SAMD5: variants seen among roughly 807,000 people sequenced by gnomAD.
SAMD5 encodes sterile alpha motif domain containing 5.
In SAMD5, 13 loss-of-function variants were observed where a neutral mutation model predicts 11.3. That is an observed-to-expected ratio of 1.15 (90% CI 0.75 to 1.83). The LOEUF (loss-of-function observed/expected upper bound fraction) is 1.83. Ranked by LOEUF, SAMD5 falls within the 40% of genes most tolerant of loss-of-function variation. The probability of loss-of-function intolerance (pLI) is 0.00; values close to 1 mark genes in which losing one functional copy is unlikely to be tolerated. For synonymous variants in SAMD5, 129 were observed against 111.3 expected, an observed-to-expected ratio of 1.16 and a Z score of -1.00; for missense variants, 255 against 239.1, an observed-to-expected ratio of 1.07 and a Z score of -0.44.
At chr6:147,889,791 A>G in the SAMD5 span, among the ~76,000 whole-genome samples, 1 of 152,174 alleles carries the variant, frequency 6.6e-6, no homozygotes, top group African/African-American at 2.4e-5. Context: ...TGGGGTGAAC[A>G]TTCTTTCATG....
intron 1 of SAMD5, among the ~76,000 whole-genome samples, chr6:147,541,027 G>A (rs949565945): frequency 1.5e-4 from 21 of 137,558 alleles, no homozygotes; most frequent in African/African-American, 5.5e-4. Flanking sequence ...TCAGCGCACT[G>A]CAACCTCCGC....
chr6:147,670,736 G>A (rs1375458884), intron 1 of SAMD5, among the ~76,000 whole-genome samples: 1 of 152,170 alleles, frequency 6.6e-6, no homozygotes, highest in African/African-American at 2.4e-5. Context: ...CTTTGAATTA[G>A]GCTTTGAGTT....
chr6:147,803,169 G>GTT, the SAMD5 span, among the ~76,000 whole-genome samples: 1 of 147,038 alleles, frequency 6.8e-6, no homozygotes, highest in Admixed American at 7.0e-5. Flanking sequence ...GTGTGTGTGT[G>GTT]TGTGTGTGTG....
chr6:147,870,474 G>GTATATATATATATATATA, the SAMD5 span, among the ~76,000 whole-genome samples: 1 of 137,414 alleles, frequency 7.3e-6, no homozygotes, highest in Non-Finnish European at 1.6e-5. Flanking sequence ...GTGTGTGTGT[G>GTATATATATATATATATA]TGTGTGTGTA....
chr6:147,855,495 A>T, the SAMD5 span, among the ~76,000 whole-genome samples: 1 of 152,178 alleles, frequency 6.6e-6, no homozygotes, highest in Admixed American at 6.5e-5. Context: ...CCTTGCCAGT[A>T]AATTTTTTTC....
the SAMD5 span, among the ~76,000 whole-genome samples, chr6:147,923,516 T>G: frequency 2.0e-5 from 3 of 152,198 alleles, no homozygotes; most frequent in African/African-American, 7.2e-5. Context: ...AATTTAGCAC[T>G]TCACAATTTA....
chr6:147,942,702 C>T, the SAMD5 span, among the ~76,000 whole-genome samples: 1 of 152,106 alleles, frequency 6.6e-6, no homozygotes, highest in Non-Finnish European at 1.5e-5. Flanking sequence ...AGAGAATCCG[C>T]AATTAGACAG....
chr6:147,869,741 C>T, the SAMD5 span, among the ~76,000 whole-genome samples: 6 of 152,024 alleles, frequency 3.9e-5, no homozygotes, highest in African/African-American at 1.4e-4. Context: ...CTCTTTTTCC[C>T]AAGCTGGAGT....
the SAMD5 span, among the ~76,000 whole-genome samples, chr6:147,871,645 G>A: frequency 1.1e-4 from 16 of 152,262 alleles, no homozygotes; most frequent in South Asian, 2.5e-3. Flanking sequence ...CTTGGGTACC[G>A]GCAACATCTT....
chr6:147,555,251 A>G (rs1788836921), intron 1 of SAMD5, among the ~76,000 whole-genome samples: 1 of 152,200 alleles, frequency 6.6e-6, no homozygotes, highest in Non-Finnish European at 1.5e-5. Context: ...CTTGCAAACC[A>G]CTTGTGCTCT....
At chr6:147,903,387 A>G in the SAMD5 span, among the ~76,000 whole-genome samples, 1 of 152,130 alleles carries the variant, frequency 6.6e-6, no homozygotes, top group Non-Finnish European at 1.5e-5. Context: ...CACCCTGAAC[A>G]TCTTCTGATT....
chr6:147,547,413 G>A (rs1388770209), intron 1 of SAMD5, among the ~76,000 whole-genome samples: 1 of 152,124 alleles, frequency 6.6e-6, no homozygotes, highest in Non-Finnish European at 1.5e-5. Flanking sequence ...TAGTTTGTTG[G>A]GAGAATTCCT....
chr6:147,548,972 C>A (rs1788726435), intron 1 of SAMD5, among the ~76,000 whole-genome samples: 1 of 152,060 alleles, frequency 6.6e-6, no homozygotes, highest in Non-Finnish European at 1.5e-5. Context: ...CTCTTCCAAG[C>A]AGAAGCTTTA....
chr6:147,614,603 G>A (rs1789838553), intron 1 of SAMD5, among the ~76,000 whole-genome samples: 1 of 151,958 alleles, frequency 6.6e-6, no homozygotes, highest in African/African-American at 2.4e-5. Context: ...CCATGTCTAT[G>A]AAGATGAAAC....
At chr6:147,827,966 A>AT in the SAMD5 span, among the ~76,000 whole-genome samples, 9,535 of 142,768 alleles carry the variant, frequency 0.067, 386 homozygotes, top group African/African-American at 0.11. Flanking sequence ...ATTTTTCTGT[A>AT]TTTTTTTTTT....
At chr6:147,767,977 T>G in the SAMD5 span, among the ~76,000 whole-genome samples, 1 of 152,148 alleles carries the variant, frequency 6.6e-6, no homozygotes, top group African/African-American at 2.4e-5. Context: ...AAGGTGGGCA[T>G]AGTGGACAAG....
intron 1 of SAMD5, among the ~76,000 whole-genome samples, chr6:147,714,422 C>T (rs1791439648): frequency 6.6e-6 from 1 of 152,120 alleles, no homozygotes; most frequent in African/African-American, 2.4e-5. Context: ...TTCTTCTCCA[C>T]AGTTGTCAGT....
rs1364845610 is a variant in SAMD5 at position 147,688,200 on chromosome 6, T to G, written c.163-49117T>G. On this transcript the variant is annotated intron_variant, in intron 1 of 1. Transcript: ENST00000566741. Reference sequence around the variant, plus strand: ...ATTCTGCATCTTATGAATTTCAACTTTATTAATCTTGGTTTTTAAAATTTT... The same window carrying G: ...ATTCTGCATCTTATGAATTTCAACTGTATTAATCTTGGTTTTTAAAATTTT... 2.0e-5 allele frequency among the ~76,000 whole-genome samples: 3 copies of G among 152,228 alleles called. No individual in the cohort carries two copies. The East Asian group carries it at 5.8e-4, about 29-fold the overall frequency.
At chr6:147,753,530 C>A in the SAMD5 span, among the ~76,000 whole-genome samples, 1 of 152,086 alleles carries the variant, frequency 6.6e-6, no homozygotes, top group East Asian at 1.9e-4. Context: ...AGGTATCCGT[C>A]CCCTCAAGTA....
Sources: gnomAD v4.1 joint callset for allele counts (sites outside exome capture counted in the v4.1 genomes callset) on GRCh38, gnomAD v4.1.1 for gene constraint, MANE v1.5 for transcripts, NCBI Gene and HGNC (gene_info 2026-07-23, HGNC 2026-07-21) for gene names.